Variants in C8orf34 observed in about 807,000 individuals in gnomAD.
C8orf34 encodes uncharacterized protein C8orf34.
A neutral mutation model predicts 68.3 loss-of-function variants in C8orf34; 65 were observed. The ratio of observed to expected loss-of-function variants is 0.95; its 90% CI spans 0.78 to 1.17. The LOEUF (loss-of-function observed/expected upper bound fraction) is 1.17. Ranked by LOEUF, C8orf34 falls within the 50% of genes most tolerant of loss-of-function variation. C8orf34 has a pLI of 0.00. For missense variants in C8orf34, 664 were observed against 655.4 expected (o/e 1.01, Z -0.14); for synonymous variants, 244 against 241.2 (o/e 1.01, Z -0.11).
At chr8:68,750,681 A>G (rs933267562) in intron 10 of C8orf34, among the ~76,000 whole-genome samples, 8 of 152,176 alleles carry the variant, frequency 5.3e-5, no homozygotes. Context: ...ATCCACATGA[A>G]TAGAGATTAA....
rs994210305 is a variant in C8orf34 at position 68,531,646 on chromosome 8, T to A, written c.939-1337T>A. 3.3e-5 allele frequency among the ~76,000 whole-genome samples: 5 copies of A among 152,146 alleles called. No homozygotes were observed. The East Asian group carries it at 9.6e-4, about 29-fold the overall frequency. The stretch of plus-strand genomic sequence containing the variant: ...GGTGATGTCCACCAGATTTTTCCAG[T>A]GTAAAGGTATCAGTTGCCCTTTCTA... On this transcript the variant is annotated intron_variant, in intron 6 of 13. Coordinates refer to ENST00000518698, the MANE Select transcript of C8orf34 (RefSeq NM_052958.4).
intron 4 of C8orf34, among the ~76,000 whole-genome samples, chr8:68,478,140 C>A (rs1812701932): frequency 6.6e-6 from 1 of 152,146 alleles, no homozygotes; most frequent in South Asian, 2.1e-4. Flanking sequence ...TCTTTTCTAC[C>A]ACATAGTCAG....
At position 68,532,476 on chromosome 8, in the gene C8orf34, A is replaced by G. The variant is rs188355271; in HGVS notation, c.939-507A>G. ...AAGAGATAGACTCAAAAGCACTATAAATAAAAGCAAGACAATTCAATGAGG... is the reference window on the plus strand; with the variant it reads ...AAGAGATAGACTCAAAAGCACTATAGATAAAAGCAAGACAATTCAATGAGG... On this transcript the variant is annotated intron_variant, in intron 6 of 13. Coordinates refer to ENST00000518698, the MANE Select transcript of C8orf34 (RefSeq NM_052958.4). 7.2e-5 allele frequency among the ~76,000 whole-genome samples: 11 copies of G among 152,312 alleles called. No homozygotes were observed. In the East Asian group the frequency reaches 1.7e-3, roughly 24 times the overall value.
chr8:68,497,204 C>T (rs1813560425), intron 5 of C8orf34, among the ~76,000 whole-genome samples: 1 of 151,964 alleles, frequency 6.6e-6, no homozygotes, highest in Non-Finnish European at 1.5e-5. Flanking sequence ...CCATATAAGC[C>T]ATATAAATTC....
chr8:68,606,128 A>T (rs1817846354), intron 7 of C8orf34, among the ~76,000 whole-genome samples: 1 of 152,184 alleles, frequency 6.6e-6, no homozygotes, highest in Non-Finnish European at 1.5e-5. Context: ...ATGCAATATG[A>T]CGCATAAATG....
chr8:68,454,802 G>A (rs1477431883), intron 3 of C8orf34, among the ~76,000 whole-genome samples: 5 of 151,616 alleles, frequency 3.3e-5, no homozygotes, highest in Admixed American at 1.3e-4. Flanking sequence ...GGTTTATTAC[G>A]CTCTTCTTTT....
chr8:68,540,615 G>T (rs1249227822), intron 7 of C8orf34, among the ~76,000 whole-genome samples: 1 of 151,974 alleles, frequency 6.6e-6, no homozygotes, highest in African/African-American at 2.4e-5. Context: ...GGCCAAGGCA[G>T]GCAGATCACA....
intron 6 of C8orf34, among the ~76,000 whole-genome samples, chr8:68,530,348 T>A (rs4559226): frequency 0.26 from 39,929 of 152,016 alleles, 8,554 homozygotes; most frequent in African/African-American, 0.6. Flanking sequence ...TTGTCATTCA[T>A]AGCAGTATCT....
intron 11 of C8orf34, 105 bp from the exon 12 acceptor site, chr8:68,787,338 G>A: frequency 1.6e-6 from 1 of 640,408 alleles, no homozygotes; most frequent in Non-Finnish European, 2.6e-6. Context: ...AAATTATTCT[G>A]ATGGTTTTTG....
chr8:68,468,163 C>A (rs1199770119), intron 3 of C8orf34, among the ~76,000 whole-genome samples: 1 of 151,974 alleles, frequency 6.6e-6, no homozygotes, highest in African/African-American at 2.4e-5. Flanking sequence ...CATCTTCTCT[C>A]AAAATATATT....
chr8:68,498,841 A>T (rs1414591797), intron 5 of C8orf34, among the ~76,000 whole-genome samples: 1 of 152,182 alleles, frequency 6.6e-6, no homozygotes, highest in Non-Finnish European at 1.5e-5. Context: ...TCTAAATAGC[A>T]TTTGCTTTTA....
intron 10 of C8orf34, among the ~76,000 whole-genome samples, chr8:68,730,372 A>C (rs1358472271): frequency 6.6e-6 from 1 of 152,090 alleles, no homozygotes; most frequent in Non-Finnish European, 1.5e-5. Flanking sequence ...TTTATGACTC[A>C]TCAGCTAAGA....
intron 1 of C8orf34, among the ~76,000 whole-genome samples, chr8:68,370,706 G>A (rs1041456844): frequency 6.6e-6 from 1 of 152,090 alleles, no homozygotes; most frequent in South Asian, 2.1e-4. Context: ...CTGAGGCTAG[G>A]TTTCAGTCCT....
intron 7 of C8orf34, among the ~76,000 whole-genome samples, chr8:68,571,563 TG>T (rs77128914): frequency 0.82 from 113,493 of 137,570 alleles, 44,773 homozygotes; most frequent in East Asian, 0.9. Context: ...GTGTTGTTGG[TG>T]GGTTGAGTTC....
chr8:68,612,810 C>G (rs1164629919), intron 7 of C8orf34, among the ~76,000 whole-genome samples: 1 of 152,092 alleles, frequency 6.6e-6, no homozygotes, highest in African/African-American at 2.4e-5. Context: ...TGTGTCTGAA[C>G]TGTTTGCTGA....
In C8orf34 at chr8:68,358,713, A is replaced by T. The variant is rs559542510; in HGVS notation, c.327+27374A>T. On this transcript the variant is annotated intron_variant, in intron 1 of 13. Coordinates refer to ENST00000518698, the MANE Select transcript of C8orf34 (RefSeq NM_052958.4). ...CAGATTGATTTATTCATATTTATTT[A>T]TTTTTTTTTTGAGACAGAGTCTCGC... 3.0e-4 allele frequency among the ~76,000 whole-genome samples: 44 copies of T among 146,784 alleles called. No homozygotes were observed. The East Asian group carries it at 4.2e-3, about 14-fold the overall frequency.
At position 68,541,452 on chromosome 8, in the gene C8orf34, T is replaced by A. The variant is rs545371002; in HGVS notation, c.1105+8303T>A. On this transcript the variant is annotated intron_variant, in intron 7 of 13. Coordinates refer to ENST00000518698, the MANE Select transcript of C8orf34 (RefSeq NM_052958.4). The stretch of plus-strand genomic sequence containing the variant: ...CTGCACTCCAGCCTGGGCAATAGAG[T>A]GAGATTTTGTCTCAGAAAGAAAAAA... Among the ~76,000 whole-genome samples the A allele has an allele frequency of 3.3e-5, 5 of 151,448 alleles. No homozygotes were observed. The South Asian group carries it at 1.0e-3, about 32-fold the overall frequency.
chr8:68,701,896 C>T (rs1821029231), intron 8 of C8orf34, among the ~76,000 whole-genome samples: 2 of 152,070 alleles, frequency 1.3e-5, no homozygotes, highest in Non-Finnish European at 2.9e-5. Flanking sequence ...ATGCTCTTTC[C>T]CAGAGGTCTA....
chr8:68,629,143 T>C (rs778948069), intron 7 of C8orf34, among the ~76,000 whole-genome samples: 1 of 152,228 alleles, frequency 6.6e-6, no homozygotes. Context: ...TACTCAACTT[T>C]AACTACTGGG....
Sources: gnomAD v4.1 joint callset for allele counts (sites outside exome capture counted in the v4.1 genomes callset) on GRCh38, gnomAD v4.1.1 for gene constraint, MANE v1.5 for transcripts, NCBI Gene and HGNC (gene_info 2026-07-23, HGNC 2026-07-21) for gene names.